The following LRP8 variants were observed in gnomAD, a reference collection of about 807,000 sequenced individuals.
The protein encoded by LRP8 is LDL receptor related protein 8.
Under a neutral mutation model 111.6 loss-of-function variants are expected in LRP8, and 46 were observed. The observed-to-expected ratio is 0.41, with a 90% CI of 0.33 to 0.53. The LOEUF (loss-of-function observed/expected upper bound fraction) is 0.53. Among genes scored for constraint, LRP8 ranks in the 20% least tolerant of loss-of-function variants. LRP8 has a pLI of 0.20. For missense variants in LRP8, 959 were observed against 1,297.4 expected (o/e 0.74, Z 4.01); for synonymous variants, 464 against 511.2 (o/e 0.91, Z 1.24).
At chr1:53,327,697 G>A in intron 1 of LRP8, 92 bp downstream of exon 1, 1 of 1,322,612 alleles carries the variant, frequency 7.6e-7, no homozygotes, top group Non-Finnish European at 9.7e-7. Flanking sequence ...GATAGCCCCG[G>A]GTTCTGGACC....
At chr1:53,274,523 C>A (rs539731844) in intron 6 of LRP8, among the ~76,000 whole-genome samples, 2 of 152,362 alleles carry the variant, frequency 1.3e-5, no homozygotes, top group Admixed American at 1.3e-4. Context: ...GAGATGTAGA[C>A]CAGAGGCCTG....
chr1:53,257,142 A>G (rs1646123762), intron 15 of LRP8, 98 bp downstream of exon 15: 1 of 1,077,660 alleles, frequency 9.3e-7, no homozygotes, highest in Non-Finnish European at 1.4e-6. Context: ...GATATGCAGT[A>G]TTCAGCTCTG....
At chr1:53,247,970 G>C (rs1243398211) in intron 18 of LRP8, among the ~76,000 whole-genome samples, 4 of 152,246 alleles carry the variant, frequency 2.6e-5, no homozygotes, top group African/African-American at 9.6e-5. Context: ...TTTCCTCATA[G>C]TTATGTGAAT....
chr1:53,316,391 TA>T (rs990377500), intron 2 of LRP8, among the ~76,000 whole-genome samples: 2 of 152,116 alleles, frequency 1.3e-5, no homozygotes, highest in African/African-American at 4.8e-5. Flanking sequence ...TCATAGGTAT[TA>T]AAAAATCAGC....
chr1:53,274,491 G>C (rs1007699191), intron 6 of LRP8, among the ~76,000 whole-genome samples: 1 of 152,250 alleles, frequency 6.6e-6, no homozygotes, highest in Non-Finnish European at 1.5e-5. Flanking sequence ...ACCTGGGATG[G>C]ACAAGCTCTT....
At chr1:53,257,866 T>C (rs1646161096) in intron 14 of LRP8, 1 of 241,602 alleles carries the variant, frequency 4.1e-6, no homozygotes, top group Non-Finnish European at 8.1e-6. Flanking sequence ...AGGCCTTGGC[T>C]ATACATCAAG....
Position 53,262,669 on chromosome 1 carries a change from A to T in LRP8, c.1656-105T>A. ...CATTGACTAGTTGTGGTTTATGTTT[A>T]GTAGGGACTGAGAAGACCTCTAAAG... On this transcript the variant is annotated intron_variant, in intron 10 of 18. Transcript: ENST00000306052. This position sits in a 1 kb window ranked among gnomAD's most constrained non-coding sequence, Gnocchi z 4.8. 1.1e-6 allele frequency: 1 copy of T among 872,298 alleles called. No individual in the cohort carries two copies. Among genetic ancestry groups the T allele is most frequent in the Non-Finnish European group, 1.9e-6 (1 of 522,642 alleles). The allele number at this position is 872,298 out of a possible 1,614,324, so 54.0% of individuals were successfully genotyped here. A position where few individuals can be genotyped will look rare whatever the true frequency, so the allele number is the denominator to read the frequency against.
chr1:53,270,908 A>G, intron 8 of LRP8, 120 bp downstream of exon 8: 1 of 1,442,316 alleles, frequency 6.9e-7, no homozygotes, highest in Non-Finnish European at 9.6e-7. Flanking sequence ...CGTACCTCTC[A>G]GTAACACAAC....
intron 2 of LRP8, among the ~76,000 whole-genome samples, chr1:53,297,253 A>G (rs542662254): frequency 6.6e-6 from 1 of 152,320 alleles, no homozygotes; most frequent in Admixed American, 6.5e-5. Flanking sequence ...AGACTCCATG[A>G]CAGCTACCGC....
Position 53,260,599 on chromosome 1 carries a change from C to G in LRP8, c.1921G>C (p.Val641Leu), listed in dbSNP as rs746920831. The change falls in exon 13 of 19, where the codon GTG becomes CTG. Residue 641 changes from valine (V) to leucine (L), a missense_variant. By Grantham distance (32) the Val-to-Leu change is conservative. Transcript: ENST00000306052. Reference sequence around the variant, plus strand: ...TCGTTCTCCAGGTCTGTCCAGAACACCTTGTCCTGTGGGGTATAGATGCAG... The same window carrying G: ...TCGTTCTCCAGGTCTGTCCAGAACAGCTTGTCCTGTGGGGTATAGATGCAG... ...PFGIAVFEDK[V>L]FWTDLENEAI... 4 of 1,614,032 alleles carry G rather than the reference C, an allele frequency of 2.5e-6. No individual in the cohort carries two copies. In the East Asian group the frequency reaches 6.7e-5, roughly 27 times the overall value.
Position 53,303,978 on chromosome 1 carries a change from C to T in LRP8, c.245-14289G>A, listed in dbSNP as rs759632049. Among the ~76,000 whole-genome samples, 19 of 152,104 alleles carry T rather than the reference C, an allele frequency of 1.2e-4. No homozygotes were observed. The highest frequency in any genetic ancestry group is 2.4e-4 in the Non-Finnish European group (16 of 68,036). ...GTTCTTTGGCTCGGTCAGAAAGACTCCCAGGGAAGTGGAAAGGAGCCAAGA... is the reference window on the plus strand; with the variant it reads ...GTTCTTTGGCTCGGTCAGAAAGACTTCCAGGGAAGTGGAAAGGAGCCAAGA... On this transcript the variant is annotated intron_variant, in intron 2 of 18. Coordinates refer to ENST00000306052, the MANE Select transcript of LRP8 (RefSeq NM_004631.5). This position sits in a 1 kb window ranked among gnomAD's most constrained non-coding sequence, Gnocchi z 4.3.
chr1:53,271,999 C>T (rs1646773269), intron 6 of LRP8, among the ~76,000 whole-genome samples: 1 of 151,874 alleles, frequency 6.6e-6, no homozygotes, highest in Non-Finnish European at 1.5e-5. Context: ...TGTCCATGTC[C>T]CTGTCTGGAC....
chr1:53,276,877 T>C lies in LRP8; in HGVS notation c.698A>G (p.Asp233Gly). Residue 233 changes from aspartate to glycine, a missense_variant, in exon 5 of 19, where the codon GAC becomes GGC. This residue lies in a region of LRP8 where 819 missense variants were observed against 1,097.6 expected (regional missense o/e 0.75). Coordinates refer to ENST00000306052, the MANE Select transcript of LRP8 (RefSeq NM_004631.5). ...TGCCTCGTCCGAGCGGTCCTCGCAG[T>C]CAAACTGGCGGTCGCAGACCCAGCG... ...PERWVCDRQF[D>G]CEDRSDEAAE... The C allele has an allele frequency of 2.1e-6, 3 of 1,405,154 alleles. No homozygotes were observed. Among genetic ancestry groups the C allele is most frequent in the Non-Finnish European group, 2.8e-6 (3 of 1,082,434 alleles). 87.0% of individuals were successfully genotyped at this position (1,405,154 alleles called of 1,614,324 possible).
At chr1:53,326,590 G>A (rs2100559227) in intron 2 of LRP8, among the ~76,000 whole-genome samples, 1 of 141,602 alleles carries the variant, frequency 7.1e-6, no homozygotes, top group East Asian at 2.1e-4. Flanking sequence ...CCACAGCTCC[G>A]GTTCAGTCTC....
chr1:53,255,252 A>C, intron 15 of LRP8, 67 bp from the exon 16 acceptor site: 1 of 1,426,342 alleles, frequency 7.0e-7, no homozygotes, highest in South Asian at 1.2e-5. Flanking sequence ...ACTGGCCTCA[A>C]GTGGTAAGAA....
At chr1:53,310,006 C>G (rs1270254496) in intron 2 of LRP8, among the ~76,000 whole-genome samples, 1 of 152,134 alleles carries the variant, frequency 6.6e-6, no homozygotes. Context: ...CTGCACGTCT[C>G]GGATCACTGG....
chr1:53,262,592 T>C lies in LRP8; in HGVS notation c.1656-28A>G, dbSNP rs747102661. The C allele has an allele frequency of 1.9e-6, 3 of 1,585,738 alleles. No homozygotes were observed. Among genetic ancestry groups the C allele is most frequent in the Admixed American group, 3.3e-5 (2 of 59,980 alleles). Reference sequence around the variant, plus strand: ...AAAAGACAAAATAACCCAATTTGCCTTCTTGCTGGGGACATGACCGGGGTG... The same window carrying C: ...AAAAGACAAAATAACCCAATTTGCCCTCTTGCTGGGGACATGACCGGGGTG... On this transcript the variant is annotated intron_variant, in intron 10 of 18. Transcript: ENST00000306052. The surrounding 1 kb of genome is among the most constrained non-coding windows in gnomAD (Gnocchi z 4.8).
At chr1:53,315,825 C>T (rs945077715) in intron 2 of LRP8, among the ~76,000 whole-genome samples, 4 of 152,230 alleles carry the variant, frequency 2.6e-5, no homozygotes, top group African/African-American at 4.8e-5. Flanking sequence ...GTGAGGCTGA[C>T]AGCCTGGAGG....
At position 53,328,048 on chromosome 1, in the gene LRP8, C is replaced by T; in HGVS notation, c.-136G>A. On this transcript the variant is annotated 5_prime_UTR_variant, in exon 1 of 19. Transcript: ENST00000306052. Reference sequence around the variant, plus strand: ...CCGCCGCCGCCGCCGCTGCCGCCCGCCCCGGCTCCTCGGCTGCATTTCAAG... The same window carrying T: ...CCGCCGCCGCCGCCGCTGCCGCCCGTCCCGGCTCCTCGGCTGCATTTCAAG... The T allele has an allele frequency of 2.7e-6, 1 of 370,682 alleles. No individual in the cohort carries two copies. Among genetic ancestry groups the T allele is most frequent in the Non-Finnish European group, 3.7e-6 (1 of 269,516 alleles). 23.0% of individuals were successfully genotyped at this position (370,682 alleles called of 1,614,324 possible).
Sources: gnomAD v4.1 joint callset for allele counts (sites outside exome capture counted in the v4.1 genomes callset) on GRCh38, gnomAD v4.1.1 for gene constraint, gnomAD v4.1.1 regional missense constraint, Gnocchi (gnomAD v3.1) non-coding constraint, MANE v1.5 for transcripts, NCBI Gene and HGNC (gene_info 2026-07-23, HGNC 2026-07-21) for gene names.